MTUS2: variants seen among roughly 807,000 people sequenced by gnomAD.
MTUS2 encodes microtubule-associated tumor suppressor candidate 2.
MTUS2 carries 40 observed loss-of-function variants against 114.1 expected under a neutral mutation model. The ratio of observed to expected loss-of-function variants is 0.35; its 90% CI spans 0.27 to 0.46. The LOEUF (loss-of-function observed/expected upper bound fraction) is 0.46. Among genes scored for constraint, MTUS2 ranks in the 20% least tolerant of loss-of-function variants. The pLI is 1.00. For synonymous variants in MTUS2, 688 were observed against 672.0 expected (o/e 1.02, Z -0.37); for missense variants, 1,679 against 1,705.4 (o/e 0.98, Z 0.27).
intron 2 of MTUS2, among the ~76,000 whole-genome samples, chr13:28,899,648 G>A (rs1879516482): frequency 6.6e-6 from 1 of 152,108 alleles, no homozygotes; most frequent in Admixed American, 6.5e-5. Context: ...CTGATCTTGT[G>A]ATCTGCCCGT....
chr13:29,169,788 T>C (rs1057100426), intron 5 of MTUS2, among the ~76,000 whole-genome samples: 1 of 152,166 alleles, frequency 6.6e-6, no homozygotes, highest in Non-Finnish European at 1.5e-5. Context: ...GCCCTCTTAC[T>C]GCATAAGGGC....
chr13:29,319,195 T>C (rs938075754), intron 6 of MTUS2, among the ~76,000 whole-genome samples: 4 of 152,220 alleles, frequency 2.6e-5, no homozygotes, highest in African/African-American at 7.2e-5. Context: ...TTCAGCTCTT[T>C]TTTGGTTTCA....
At chr13:29,110,000 G>A (rs186405385) in intron 5 of MTUS2, among the ~76,000 whole-genome samples, 2 of 152,286 alleles carry the variant, frequency 1.3e-5, no homozygotes, top group East Asian at 1.9e-4. Flanking sequence ...GATTTTCATG[G>A]CAATCTCTTT....
chr13:29,387,074 T>C (rs1218910039), intron 8 of MTUS2, among the ~76,000 whole-genome samples: 5 of 152,132 alleles, frequency 3.3e-5, no homozygotes, highest in African/African-American at 1.2e-4. Flanking sequence ...GCACTGGGGA[T>C]TGAATTGGGG....
chr13:29,185,873 A>T (rs986562921), intron 5 of MTUS2, among the ~76,000 whole-genome samples: 4 of 152,212 alleles, frequency 2.6e-5, no homozygotes, highest in Non-Finnish European at 5.9e-5. Flanking sequence ...ATAGAAGTTG[A>T]ATAAAAAGGA....
intron 6 of MTUS2, among the ~76,000 whole-genome samples, chr13:29,289,985 C>G (rs569349844): frequency 6.6e-6 from 1 of 152,082 alleles, no homozygotes; most frequent in South Asian, 2.1e-4. Flanking sequence ...TTTCTTTTTC[C>G]CCTGAATTTC....
chr13:29,187,920 G>C (rs553963517), intron 5 of MTUS2, among the ~76,000 whole-genome samples: 1 of 152,074 alleles, frequency 6.6e-6, no homozygotes, highest in African/African-American at 2.4e-5. Context: ...AAGTACATTT[G>C]CCTTGTTTCA....
intron 8 of MTUS2, among the ~76,000 whole-genome samples, chr13:29,421,563 G>C (rs570850966): frequency 6.6e-6 from 1 of 152,202 alleles, no homozygotes; most frequent in African/African-American, 2.4e-5. Flanking sequence ...GTCCCATCCT[G>C]CATTGCCCTA....
chr13:29,170,214 AG>A (rs1039263627), intron 5 of MTUS2, among the ~76,000 whole-genome samples: 4 of 152,270 alleles, frequency 2.6e-5, no homozygotes, highest in Non-Finnish European at 5.9e-5. Context: ...CTGATAAAGG[AG>A]GAACTTAGGA....
chr13:29,161,975 C>T (rs1381386432), intron 5 of MTUS2, among the ~76,000 whole-genome samples: 1 of 152,256 alleles, frequency 6.6e-6, no homozygotes. Context: ...TTCCAGCTCA[C>T]TCCTTTCTCC....
chr13:29,409,862 T>C (rs1459816322), intron 8 of MTUS2, among the ~76,000 whole-genome samples: 1 of 151,988 alleles, frequency 6.6e-6, no homozygotes, highest in Non-Finnish European at 1.5e-5. Flanking sequence ...TGTTGGACCA[T>C]TCTCCTAGGA....
intron 2 of MTUS2, among the ~76,000 whole-genome samples, chr13:28,863,788 C>G (rs77088781): frequency 3.0e-4 from 46 of 152,212 alleles, no homozygotes; most frequent in African/African-American, 1.1e-3. Context: ...GCTTCAAACC[C>G]CTGAGCCCAA....
intron 9 of MTUS2, among the ~76,000 whole-genome samples, chr13:29,478,913 G>A (rs1819363599): frequency 6.6e-6 from 1 of 152,176 alleles, no homozygotes; most frequent in Admixed American, 6.5e-5. Context: ...GTAATATCTA[G>A]CGAATCCATC....
At chr13:29,064,516 G>A (rs942734651) in intron 4 of MTUS2, among the ~76,000 whole-genome samples, 4 of 151,758 alleles carry the variant, frequency 2.6e-5, no homozygotes, top group African/African-American at 9.7e-5. Context: ...AATGTAGGGA[G>A]GCCAGTGAGG....
chr13:28,869,945 A>G (rs1593259012), intron 2 of MTUS2, among the ~76,000 whole-genome samples: 2 of 152,138 alleles, frequency 1.3e-5, no homozygotes, highest in Non-Finnish European at 2.9e-5. Flanking sequence ...TCTTTTTTGA[A>G]TGTTATGTAT....
intron 5 of MTUS2, among the ~76,000 whole-genome samples, chr13:29,168,588 T>G (rs1320845711): frequency 6.6e-6 from 1 of 152,162 alleles, no homozygotes; most frequent in Non-Finnish European, 1.5e-5. Context: ...CTTACTTAAT[T>G]TTACCAAATG....
intron 5 of MTUS2, among the ~76,000 whole-genome samples, chr13:29,218,185 G>A (rs1251932211): frequency 6.6e-6 from 1 of 152,012 alleles, no homozygotes; most frequent in Non-Finnish European, 1.5e-5. Flanking sequence ...AGTGTTTACA[G>A]TGTCTTCATG....
At chr13:29,249,058 A>G (rs1168124726) in intron 5 of MTUS2, among the ~76,000 whole-genome samples, 1 of 151,936 alleles carries the variant, frequency 6.6e-6, no homozygotes, top group Non-Finnish European at 1.5e-5. Flanking sequence ...TGCTATCTCG[A>G]CTCACTGCAA....
intron 5 of MTUS2, among the ~76,000 whole-genome samples, chr13:29,268,822 T>G (rs1345883208): frequency 1.3e-5 from 2 of 152,172 alleles, no homozygotes; most frequent in Non-Finnish European, 2.9e-5. Flanking sequence ...CTCAAACTCC[T>G]AGGCTTCAGC....
Sources: gnomAD v4.1 joint callset for allele counts (sites outside exome capture counted in the v4.1 genomes callset) on GRCh38, gnomAD v4.1.1 for gene constraint, MANE v1.5 for transcripts, NCBI Gene and HGNC (gene_info 2026-07-23, HGNC 2026-07-21) for gene names.